DIAPH1: variants seen among roughly 807,000 people sequenced by gnomAD.
DIAPH1 encodes protein diaphanous homolog 1.
In DIAPH1, 46 loss-of-function variants were observed where a neutral mutation model predicts 140.7. That is an observed-to-expected ratio of 0.33 (90% CI 0.26 to 0.42). The LOEUF is 0.42. DIAPH1 is among the 10% of genes least tolerant of loss of function. The pLI is 1.00. For synonymous variants in DIAPH1, 565 were observed against 551.6 expected, an observed-to-expected ratio of 1.02 and a Z score of -0.34; for missense variants, 1,310 against 1,558.7, an observed-to-expected ratio of 0.84 and a Z score of 2.69.
At position 141,587,112 on chromosome 5, in the gene DIAPH1, T is replaced by G; in HGVS notation, c.230A>C (p.Asp77Ala). The G allele has an allele frequency of 6.2e-7, 1 of 1,614,156 alleles. No individual in the cohort carries two copies. The highest frequency in any genetic ancestry group is 8.5e-7 in the Non-Finnish European group (1 of 1,180,006). Residue 77 changes from aspartate (D) to alanine (A), a missense_variant, in exon 3 of 28, where the codon GAT (aspartate) becomes GCT (alanine). Around this residue, in one of 3 missense-constraint regions of DIAPH1, gnomAD observed 377 missense variants for 497.1 expected, o/e 0.76. Transcript: ENST00000389054. ...AHRNSSASYGDDPTAQSLQDV... is the reference protein window; with the variant it reads ...AHRNSSASYGADPTAQSLQDV... ...TTGCAATGACTGTGCTGTGGGATCA[T>G]CCCCATATGATGCAGAAGAATTTCT...
chr5:141,555,114 A>G (rs745912809), intron 18 of DIAPH1, among the ~76,000 whole-genome samples: 30 of 152,218 alleles, frequency 2.0e-4, no homozygotes, highest in Non-Finnish European at 3.4e-4. Context: ...AAGAAGAACT[A>G]AGATACACAC....
At chr5:141,592,113 A>T (rs933363632) in intron 1 of DIAPH1, among the ~76,000 whole-genome samples, 24 of 151,610 alleles carry the variant, frequency 1.6e-4, no homozygotes, top group South Asian at 4.2e-4. Flanking sequence ...AAGAAAATTT[A>T]AAAAAAATTA....
At chr5:141,608,622 C>G (rs2099901316) in intron 1 of DIAPH1, among the ~76,000 whole-genome samples, 1 of 152,156 alleles carries the variant, frequency 6.6e-6, no homozygotes, top group Non-Finnish European at 1.5e-5. Flanking sequence ...TCAACAGAAA[C>G]TCTTCCCTAC....
intron 2 of DIAPH1, among the ~76,000 whole-genome samples, 179 bp downstream of exon 2, chr5:141,588,045 C>T (rs1355338031): frequency 6.6e-6 from 1 of 152,066 alleles, no homozygotes; most frequent in Non-Finnish European, 1.5e-5. Flanking sequence ...TAATGAAGGT[C>T]CACGGAAATG....
chr5:141,516,445 C>T lies in DIAPH1; in HGVS notation c.*406G>A. 7.1e-6 allele frequency: 2 copies of T among 283,284 alleles called. No individual in the cohort carries two copies. The highest frequency in any genetic ancestry group is 7.6e-5 in the South Asian group (2 of 26,348). The allele number at this position is 283,284 out of a possible 1,614,324, so 17.5% of individuals were successfully genotyped here. A position where few individuals can be genotyped will look rare whatever the true frequency, so the allele number is the denominator to read the frequency against. ...CATGCTATTCTCAGGGCCAGAGAAA[C>T]CACAAAAGAAAAGCACAAATCCAGC... On this transcript the variant is annotated 3_prime_UTR_variant, in exon 28 of 28. Transcript: ENST00000389054.
chr5:141,516,580 G>A lies in DIAPH1; in HGVS notation c.*271C>T. 1 of 512,622 alleles carries A rather than the reference G, an allele frequency of 2.0e-6. No individual in the cohort carries two copies. Among genetic ancestry groups the A allele is most frequent in the Non-Finnish European group, 3.6e-6 (1 of 280,678 alleles). The allele number at this position is 512,622 out of a possible 1,614,324, so 31.8% of individuals were successfully genotyped here. A position where few individuals can be genotyped will look rare whatever the true frequency, so the allele number is the denominator to read the frequency against. ...AGTAACAGAGAGGAGACAGGGTTAA[G>A]GCAGCAAACATGGACCCTGCTTTGG... On this transcript the variant is annotated 3_prime_UTR_variant, in exon 28 of 28. Transcript: ENST00000389054.
At chr5:141,609,848 G>A (rs148984965) in intron 1 of DIAPH1, among the ~76,000 whole-genome samples, 71 of 152,294 alleles carry the variant, frequency 4.7e-4, no homozygotes, top group Middle Eastern at 6.8e-3. Context: ...ATGCTTCCAC[G>A]ATAAATGGAA....
At chr5:141,568,717 AG>A (rs1310448597) in intron 18 of DIAPH1, among the ~76,000 whole-genome samples, 1 of 152,248 alleles carries the variant, frequency 6.6e-6, no homozygotes, top group East Asian at 1.9e-4. Context: ...CCATTCTTGG[AG>A]GGGCCAGTAG....
chr5:141,526,391 T>G lies in DIAPH1; in HGVS notation c.3344A>C (p.Tyr1115Ser), dbSNP rs1314577433. The stretch of plus-strand genomic sequence containing the variant: ...GAGGAAGTACTCGCCCAGCTCCTTA[T>G]AGAGGGTCTCCATGTTAGAATGCAT... ...RMMHSNMETL[Y>S]KELGEYFLFD... Residue 1115 changes from tyrosine (Y) to serine (S), a missense_variant, in exon 25 of 28, where the codon TAT becomes TCT. Coordinates refer to ENST00000389054, the MANE Select transcript of DIAPH1 (RefSeq NM_005219.5). The G allele has an allele frequency of 1.2e-6, 2 of 1,614,082 alleles. No homozygotes were observed. The highest frequency in any genetic ancestry group is 1.7e-6 in the Non-Finnish European group (2 of 1,180,042).
In DIAPH1 at chr5:141,574,028, G is replaced by C. The variant is rs749881969; in HGVS notation, c.1822C>G (p.Pro608Ala). ...PPPAPGDSTTPPPPPPPPPPP... is the reference protein window; with the variant it reads ...PPPAPGDSTTAPPPPPPPPPP... Reference sequence around the variant, plus strand: ...GGAGGAGGAGGAGGAGGAGGAGGAGGAGTGGTACTATCCCCAGGAGCAGGT... The same window carrying C: ...GGAGGAGGAGGAGGAGGAGGAGGAGCAGTGGTACTATCCCCAGGAGCAGGT... Residue 608 changes from proline (P) to alanine (A), a missense_variant, in exon 16 of 28, where the codon CCT (proline) becomes GCT (alanine). This residue lies in a region of DIAPH1 where 589 missense variants were observed against 549.3 expected (regional missense o/e 1.07). Coordinates refer to ENST00000389054, the MANE Select transcript of DIAPH1 (RefSeq NM_005219.5). The C allele has an allele frequency of 1.9e-6, 3 of 1,569,980 alleles. No individual in the cohort carries two copies. Among genetic ancestry groups the C allele is most frequent in the Middle Eastern group, 1.9e-4 (1 of 5,366 alleles).
rs193094780 is a variant in DIAPH1 at position 141,566,771 on chromosome 5, T to C, written c.2482+4657A>G. Among the ~76,000 whole-genome samples, 360 of 152,248 alleles carry C rather than the reference T, an allele frequency of 2.4e-3. 1 individual carries two copies. Among genetic ancestry groups the C allele is most frequent in the Non-Finnish European group, 4.2e-3 (288 of 68,008 alleles). ...TTAGCCAGGTGTGGTGGTGCACACC[T>C]GTAATCCCAGCTACTCGGGAGGCTG... On this transcript the variant is annotated intron_variant, in intron 18 of 27. Coordinates refer to ENST00000389054, the MANE Select transcript of DIAPH1 (RefSeq NM_005219.5).
At position 141,618,536 on chromosome 5, in the gene DIAPH1, T is replaced by G. The variant is rs932165896; in HGVS notation, c.117+262A>C. On this transcript the variant is annotated intron_variant, in intron 1 of 27. Coordinates refer to ENST00000389054, the MANE Select transcript of DIAPH1 (RefSeq NM_005219.5). The stretch of plus-strand genomic sequence containing the variant: ...CGGGGCTGAGAGCCGGCCGGGGATA[T>G]GCGGGCGGGAGGGCAGAATGTAAGG... The G allele has an allele frequency of 1.6e-5, 6 of 367,078 alleles. 1 individual carries two copies. The South Asian group carries it at 2.2e-4, about 14-fold the overall frequency. The allele number at this position is 367,078 out of a possible 1,614,324, so 22.7% of individuals were successfully genotyped here. A position where few individuals can be genotyped will look rare whatever the true frequency, so the allele number is the denominator to read the frequency against.
At chr5:141,528,985 G>A (rs778549844) in intron 21 of DIAPH1, 44 bp from the exon 22 acceptor site, 2 of 1,613,510 alleles carry the variant, frequency 1.2e-6, no homozygotes, top group East Asian at 2.2e-5. Flanking sequence ...AAAAGAGGGG[G>A]AAGTCAGAAA....
At chr5:141,517,100 G>A in intron 27 of DIAPH1, 92 bp from the exon 28 acceptor site, 1 of 1,486,134 alleles carries the variant, frequency 6.7e-7, no homozygotes, top group Non-Finnish European at 9.2e-7. Flanking sequence ...AAGCCATGCA[G>A]ACATGACTAC....
chr5:141,561,295 T>A (rs1161488210), intron 18 of DIAPH1, among the ~76,000 whole-genome samples: 1 of 152,020 alleles, frequency 6.6e-6, no homozygotes, highest in African/African-American at 2.4e-5. Flanking sequence ...AGAAATGGGG[T>A]TACCAATGCC....
At chr5:141,580,620 G>T in intron 8 of DIAPH1, 124 bp downstream of exon 8, 2 of 967,638 alleles carry the variant, frequency 2.1e-6, no homozygotes, top group Non-Finnish European at 3.3e-6. Context: ...TCACTTCTGG[G>T]AAGAAACACA....
Position 141,618,905 on chromosome 5 carries a change from G to A in DIAPH1, c.10C>T (p.Pro4Ser), listed in dbSNP as rs1212603939. MEP[P>S]GGSLGPGRGT... ...CGGCCGGGCCCCAGGCTCCCGCCGGGCGGCTCCATGTCCCGGTTCACGCTG... is the reference window on the plus strand; with the variant it reads ...CGGCCGGGCCCCAGGCTCCCGCCGGACGGCTCCATGTCCCGGTTCACGCTG... Residue 4 changes from proline to serine, a missense_variant, in exon 1 of 28, where the codon CCC (proline) becomes TCC (serine). Pro to Ser is a moderately conservative substitution (Grantham distance 74). This residue lies in a region of DIAPH1 where 377 missense variants were observed against 497.1 expected (regional missense o/e 0.76). Transcript: ENST00000389054. 5 of 1,510,146 alleles carry A rather than the reference G, an allele frequency of 3.3e-6. No homozygotes were observed. Among genetic ancestry groups the A allele is most frequent in the East Asian group, 2.8e-5 (1 of 35,890 alleles). 93.5% of individuals were successfully genotyped at this position (1,510,146 alleles called of 1,614,324 possible). A position where few individuals can be genotyped will look rare whatever the true frequency, so the allele number is the denominator to read the frequency against.
intron 18 of DIAPH1, chr5:141,563,346 A>G (rs780236655): frequency 1.3e-5 from 2 of 152,236 alleles, no homozygotes; most frequent in South Asian, 2.1e-4. Flanking sequence ...TATGACCTCC[A>G]TAAGAACAGG....
intron 1 of DIAPH1, among the ~76,000 whole-genome samples, chr5:141,617,082 C>T (rs556353590): frequency 2.1e-3 from 322 of 152,044 alleles, no homozygotes; most frequent in African/African-American, 7.5e-3. Flanking sequence ...GCAGCAATAG[C>T]TGGAATTTGG....
Sources: allele counts gnomAD v4.1 joint callset (sites outside exome capture counted in the v4.1 genomes callset), GRCh38; gene constraint gnomAD v4.1.1; regional missense constraint gnomAD v4.1.1; transcripts MANE v1.5; gene names NCBI Gene and HGNC (gene_info 2026-07-23, HGNC 2026-07-21).